Variants in HECW2 observed in about 807,000 individuals in gnomAD.
HECW2 encodes the protein E3 ubiquitin-protein ligase HECW2.
Under a neutral mutation model 175.2 loss-of-function variants are expected in HECW2, and 61 were observed. The observed-to-expected ratio is 0.35, with a 90% CI of 0.28 to 0.43. The LOEUF (loss-of-function observed/expected upper bound fraction) is 0.43, where lower values mean the gene tolerates loss of function less well. Among genes scored for constraint, HECW2 ranks in the 20% least tolerant of loss-of-function variants. The probability of loss-of-function intolerance (pLI) is 1.00; values close to 1 mark genes in which losing one functional copy is unlikely to be tolerated. For missense variants in HECW2, 1,524 were observed against 2,000.5 expected (o/e 0.76, Z 4.54); for synonymous variants, 671 against 731.0 (o/e 0.92, Z 1.32).
chr2:196,577,285 T>G (rs1479673812), intron 1 of HECW2, among the ~76,000 whole-genome samples: 2 of 152,188 alleles, frequency 1.3e-5, no homozygotes, highest in Non-Finnish European at 2.9e-5. Context: ...GTGCTTAAGT[T>G]TCTATTATAA....
chr2:196,455,720 T>C (rs1696489234), intron 1 of HECW2, among the ~76,000 whole-genome samples: 1 of 152,090 alleles, frequency 6.6e-6, no homozygotes, highest in Admixed American at 6.5e-5. Flanking sequence ...ATACTTTTAA[T>C]AAAGACCACA....
rs1559427981 is a variant in HECW2 at position 196,199,438 on chromosome 2, G to A, written c.*1839C>T. 6.6e-6 allele frequency: 1 copy of A among 152,558 alleles called. No individual in the cohort carries two copies. Among genetic ancestry groups the A allele is most frequent in the Non-Finnish European group, 1.5e-5 (1 of 68,006 alleles). The allele number at this position is 152,558 out of a possible 1,614,324, so 9.5% of individuals were successfully genotyped here. A position where few individuals can be genotyped will look rare whatever the true frequency, so the allele number is the denominator to read the frequency against. On this transcript the variant is annotated 3_prime_UTR_variant, in exon 29 of 29. Transcript: ENST00000644978. ...TGCAGTACGTGCCTTTAGTGCAGGA[G>A]TGTAACATAAGTGGTATTCCTCTTG...
At chr2:196,276,091 A>G (rs2105977731) in intron 15 of HECW2, among the ~76,000 whole-genome samples, 1 of 152,332 alleles carries the variant, frequency 6.6e-6, no homozygotes, top group East Asian at 1.9e-4. Context: ...TCCTCACAGT[A>G]TGTTGCCATG....
intron 2 of HECW2, among the ~76,000 whole-genome samples, chr2:196,378,275 C>A (rs1452123302): frequency 6.6e-6 from 1 of 152,194 alleles, no homozygotes; most frequent in Non-Finnish European, 1.5e-5. Context: ...CATACACACA[C>A]AATTTCATAC....
rs1287898468 is a variant in HECW2, at chr2:196,319,253, GC to G, written c.1636del (p.Ala546ProfsTer28). On this transcript the variant is annotated frameshift_variant, in exon 9 of 29. Coordinates refer to ENST00000644978, the MANE Select transcript of HECW2 (RefSeq NM_001348768.2). LOFTEE classifies it high-confidence loss of function. The stretch of plus-strand genomic sequence containing the variant: ...TGGGCCGCCTTCACCTTCCTCTGGG[GC>G]TGGGCCTGCAGGTAAGGAGCTCTCT... Reference protein sequence around the residue: ...LAESSLPAGPAPEEGEGGPEP... With the variant: ...LAESSLPAGPXPEEGEGGPEP... The G allele has an allele frequency of 6.2e-7, 1 of 1,602,538 alleles. No homozygotes were observed. Among genetic ancestry groups the G allele is most frequent in the South Asian group, 1.1e-5 (1 of 88,172 alleles).
intron 1 of HECW2, among the ~76,000 whole-genome samples, chr2:196,459,000 C>A (rs1696629663): frequency 6.6e-6 from 1 of 152,140 alleles, no homozygotes; most frequent in Non-Finnish European, 1.5e-5. Context: ...GCAGGATTTA[C>A]AGAATAAGGA....
At chr2:196,306,063 C>T (rs1691247769) in intron 13 of HECW2, among the ~76,000 whole-genome samples, 1 of 151,952 alleles carries the variant, frequency 6.6e-6, no homozygotes, top group African/African-American at 2.4e-5. Context: ...AGGAGGTGAC[C>T]TAAGAGGTAA....
In HECW2 at chr2:196,388,662, T is replaced by C. The variant is rs186540823; in HGVS notation, c.292+44470A>G. 1.7e-3 allele frequency among the ~76,000 whole-genome samples: 264 copies of C among 152,342 alleles called. 1 individual carries two copies. The highest frequency in any genetic ancestry group is 5.8e-3 in the African/African-American group (240 of 41,586). ...TATATTTACTTGTGGGACTTCAACA[T>C]ATATCTTTTTCCTTTTTCCTTAATG... On this transcript the variant is annotated intron_variant, in intron 2 of 28. Coordinates refer to ENST00000644978, the MANE Select transcript of HECW2 (RefSeq NM_001348768.2).
At position 196,275,724 on chromosome 2, in the gene HECW2, C is replaced by T. The variant is rs557426506; in HGVS notation, c.3136-1601G>A. Among the ~76,000 whole-genome samples, 44 of 151,696 alleles carry T rather than the reference C, an allele frequency of 2.9e-4. No individual in the cohort carries two copies. The South Asian group carries it at 9.0e-3, about 31-fold the overall frequency. On this transcript the variant is annotated intron_variant, in intron 15 of 28. Coordinates refer to ENST00000644978, the MANE Select transcript of HECW2 (RefSeq NM_001348768.2). Reference sequence around the variant, plus strand: ...CAAAGATCGCACCACTGCACTCCTGCCTGGCGACAAAGCAAGACTCTGTCT... The same window carrying T: ...CAAAGATCGCACCACTGCACTCCTGTCTGGCGACAAAGCAAGACTCTGTCT...
chr2:196,477,243 A>G (rs1419320317), intron 1 of HECW2, among the ~76,000 whole-genome samples: 1 of 152,182 alleles, frequency 6.6e-6, no homozygotes, highest in African/African-American at 2.4e-5. Context: ...GGCCATATTT[A>G]ATATGTGGAA....
chr2:196,524,831 G>C (rs1293313206), intron 1 of HECW2, among the ~76,000 whole-genome samples: 1 of 116,548 alleles, frequency 8.6e-6, no homozygotes, highest in South Asian at 2.7e-4. Context: ...ATTGCACTGT[G>C]GTCTGAGAGA....
chr2:196,421,265 A>G (rs1222062415), intron 2 of HECW2, among the ~76,000 whole-genome samples: 1 of 152,176 alleles, frequency 6.6e-6, no homozygotes, highest in Non-Finnish European at 1.5e-5. Flanking sequence ...CTCTACATGT[A>G]CCAATTTTAA....
chr2:196,506,003 G>C (rs1687747215), intron 1 of HECW2, among the ~76,000 whole-genome samples: 1 of 152,120 alleles, frequency 6.6e-6, no homozygotes, highest in South Asian at 2.1e-4. Context: ...CAGAGCAGGG[G>C]TATCTCTCAA....
intron 24 of HECW2, among the ~76,000 whole-genome samples, chr2:196,221,499 C>T (rs1687669711): frequency 6.6e-6 from 1 of 152,060 alleles, no homozygotes; most frequent in Admixed American, 6.6e-5. Flanking sequence ...GTTCTTAAGT[C>T]TTCCCCAAAA....
At chr2:196,290,641 TTA>T (rs1690570606) in intron 14 of HECW2, 1 of 152,204 alleles carries the variant, frequency 6.6e-6, no homozygotes, top group Admixed American at 6.5e-5. Flanking sequence ...TACTACTCTT[TTA>T]TACCCAGGTA....
intron 22 of HECW2, among the ~76,000 whole-genome samples, chr2:196,226,548 T>G (rs1405671302): frequency 1.3e-5 from 2 of 152,190 alleles, no homozygotes; most frequent in Non-Finnish European, 2.9e-5. Flanking sequence ...ATCAACAATG[T>G]AGCACCCCAC....
At chr2:196,430,838 T>C (rs765951429) in intron 2 of HECW2, among the ~76,000 whole-genome samples, 3 of 151,792 alleles carry the variant, frequency 2.0e-5, no homozygotes, top group Non-Finnish European at 4.4e-5. Flanking sequence ...AACTGGCATC[T>C]CAGAAAAAGA....
At chr2:196,461,408 G>A (rs529714163) in intron 1 of HECW2, among the ~76,000 whole-genome samples, 5 of 152,332 alleles carry the variant, frequency 3.3e-5, no homozygotes, top group African/African-American at 1.2e-4. Flanking sequence ...ATACATTGCT[G>A]ATCAGAGTAC....
At chr2:196,450,489 AT>A (rs34937207) in intron 1 of HECW2, among the ~76,000 whole-genome samples, 16,547 of 135,408 alleles carry the variant, frequency 0.12, 1,012 homozygotes, top group African/African-American at 0.21. Flanking sequence ...CAAATATCAG[AT>A]TTTTTTTTTT....
Sources: allele counts gnomAD v4.1 joint callset (sites outside exome capture counted in the v4.1 genomes callset), GRCh38; gene constraint gnomAD v4.1.1; transcripts MANE v1.5; gene names NCBI Gene and HGNC (gene_info 2026-07-23, HGNC 2026-07-21).